The following SLC12A2 variants were observed in gnomAD, a reference collection of about 807,000 sequenced individuals.
SLC12A2 encodes Na-K-2Cl cotransporter 1.
In SLC12A2, 67 loss-of-function variants were observed where a neutral mutation model predicts 136.3. The observed-to-expected ratio is 0.49, with a 90% CI of 0.40 to 0.60. SLC12A2 has a LOEUF of 0.60. SLC12A2 is among the 20% of genes least tolerant of loss of function. SLC12A2 has a pLI of 0.00. For missense variants in SLC12A2, 1,322 were observed against 1,534.7 expected (o/e 0.86, Z 2.32); for synonymous variants, 619 against 562.9 (o/e 1.10, Z -1.41).
chr5:128,181,450 TTGTTTTGTCTTTGACC>T (rs1763705569), intron 23 of SLC12A2, among the ~76,000 whole-genome samples: 1 of 152,182 alleles, frequency 6.6e-6, no homozygotes. Flanking sequence ...CTAAGTACTC[TTGTTTTGTCTTTGACC>T]TGTAACATGT....
At chr5:128,144,365 G>C (rs1036819291) in intron 10 of SLC12A2, among the ~76,000 whole-genome samples, 1 of 152,130 alleles carries the variant, frequency 6.6e-6, no homozygotes, top group Non-Finnish European at 1.5e-5. Flanking sequence ...GGAGAGTGAA[G>C]AATGGTGGAT....
chr5:128,135,294 A>G (rs930814613), intron 6 of SLC12A2, among the ~76,000 whole-genome samples: 2 of 152,068 alleles, frequency 1.3e-5, no homozygotes, highest in Non-Finnish European at 2.9e-5. Flanking sequence ...TGGACCATGT[A>G]TAAAACTTGT....
intron 1 of SLC12A2, among the ~76,000 whole-genome samples, chr5:128,090,629 A>G (rs988126859): frequency 2.6e-5 from 4 of 152,148 alleles, no homozygotes; most frequent in Non-Finnish European, 5.9e-5. Flanking sequence ...AGGGCGAGGA[A>G]AATTAAAGGT....
At chr5:128,154,068 CAAAA>C (rs3083293) in intron 15 of SLC12A2, among the ~76,000 whole-genome samples, 8 of 137,836 alleles carry the variant, frequency 5.8e-5, no homozygotes, top group South Asian at 2.4e-4. Context: ...AAAAAAAAAA[CAAAA>C]AAAAAAAACC....
At chr5:128,100,507 A>G (rs1357838113) in intron 1 of SLC12A2, among the ~76,000 whole-genome samples, 1 of 152,184 alleles carries the variant, frequency 6.6e-6, no homozygotes, top group Non-Finnish European at 1.5e-5. Context: ...TATCTGAAAT[A>G]TGAAACACTT....
chr5:128,166,202 CAAAT>C, intron 17 of SLC12A2, among the ~76,000 whole-genome samples: 1 of 151,544 alleles, frequency 6.6e-6, no homozygotes, highest in Non-Finnish European at 1.5e-5. Context: ...ACATATGTCA[CAAAT>C]AATCCTATGT....
intron 1 of SLC12A2, among the ~76,000 whole-genome samples, chr5:128,087,594 A>G (rs1017950556): frequency 6.6e-6 from 1 of 152,222 alleles, no homozygotes; most frequent in Non-Finnish European, 1.5e-5. Context: ...TGGTATATTA[A>G]CATAACTAAA....
In SLC12A2 at chr5:128,147,690, A is replaced by G. The variant is rs1196152281; in HGVS notation, c.1842A>G (p.Ser614=). The G allele has an allele frequency of 6.2e-7, 1 of 1,610,414 alleles. No individual in the cohort carries two copies. Among genetic ancestry groups the G allele is most frequent in the Non-Finnish European group, 8.5e-7 (1 of 1,177,344 alleles). Residue 614 remains serine, a synonymous_variant, in exon 11 of 27, where the codon TCA becomes TCG. Coordinates refer to ENST00000262461, the MANE Select transcript of SLC12A2 (RefSeq NM_001046.3). ...SAGIFSATLS[S]ALASLVSAPK... ...GTATATTTTCAGCCACTCTTTCTTC[A>G]GCATTAGCATCCCTAGTGAGTGCTC...
chr5:128,181,622 ATTCC>A (rs1457158534), intron 23 of SLC12A2, among the ~76,000 whole-genome samples: 3 of 152,134 alleles, frequency 2.0e-5, no homozygotes, highest in Non-Finnish European at 4.4e-5. Flanking sequence ...TGACCATATG[ATTCC>A]TCTACCCAAA....
chr5:128,112,963 T>A, intron 2 of SLC12A2, 30 bp downstream of exon 2: 1 of 1,538,256 alleles, frequency 6.5e-7, no homozygotes, highest in Non-Finnish European at 8.7e-7. Context: ...ATTTTATAGT[T>A]ACAGCATATC....
intron 4 of SLC12A2, among the ~76,000 whole-genome samples, chr5:128,124,693 A>G (rs951537812): frequency 5.3e-5 from 8 of 152,016 alleles, no homozygotes; most frequent in Admixed American, 3.9e-4. Flanking sequence ...TTTCCATTAT[A>G]TAGCCACGAT....
At chr5:128,137,754 C>T (rs201776878) in intron 7 of SLC12A2, among the ~76,000 whole-genome samples, 4 of 152,104 alleles carry the variant, frequency 2.6e-5, no homozygotes, top group East Asian at 3.9e-4. Flanking sequence ...CTAGTTGAAG[C>T]TTTTATTGTT....
At chr5:128,126,962 A>AT (rs1486260326) in intron 4 of SLC12A2, among the ~76,000 whole-genome samples, 122 of 23,294 alleles carry the variant, frequency 5.2e-3, no homozygotes, top group Non-Finnish European at 7.0e-3. Context: ...ATATATATAT[A>AT]TATATTTTTT....
chr5:128,125,913 T>G (rs1447587021), intron 4 of SLC12A2, among the ~76,000 whole-genome samples: 2 of 152,204 alleles, frequency 1.3e-5, no homozygotes, highest in Non-Finnish European at 2.9e-5. Context: ...TTTGGCACCA[T>G]TTTTTGAAAC....
rs1433767277 is a variant in SLC12A2, at chr5:128,126,964, A to AT, written c.1049-4102dup. On this transcript the variant is annotated intron_variant, in intron 4 of 26. Coordinates refer to ENST00000262461, the MANE Select transcript of SLC12A2 (RefSeq NM_001046.3). ...TACATATATATATATATATATATAT[A>AT]TATTTTTTTTTTTTTTTTTTTTTGC... Among the ~76,000 whole-genome samples, 118 of 21,678 alleles carry AT rather than the reference A, an allele frequency of 5.4e-3. 1 individual carries two copies. The highest frequency in any genetic ancestry group is 6.8e-3 in the Non-Finnish European group (94 of 13,750). 14.2% of individuals were successfully genotyped at this position (21,678 alleles called of 152,430 possible).
chr5:128,102,582 A>ACCCC (rs34780928), intron 1 of SLC12A2, among the ~76,000 whole-genome samples: 2 of 88,394 alleles, frequency 2.3e-5, no homozygotes, highest in African/African-American at 8.8e-5. Context: ...TCTGTAATTC[A>ACCCC]CCCCCCCCCC....
At chr5:128,183,240 A>G (rs1206269646) in intron 24 of SLC12A2, among the ~76,000 whole-genome samples, 1 of 151,920 alleles carries the variant, frequency 6.6e-6, no homozygotes, top group Non-Finnish European at 1.5e-5. Flanking sequence ...CTACATACCT[A>G]TTACTTTCCA....
chr5:128,090,654 T>A (rs943321314), intron 1 of SLC12A2, among the ~76,000 whole-genome samples: 4 of 152,170 alleles, frequency 2.6e-5, no homozygotes, highest in African/African-American at 9.7e-5. Context: ...AGATGATGGC[T>A]GGGTGATGCT....
intron 4 of SLC12A2, among the ~76,000 whole-genome samples, chr5:128,122,109 TCAAC>T (rs1375058755): frequency 1.3e-5 from 2 of 152,236 alleles, no homozygotes; most frequent in African/African-American, 4.8e-5. Flanking sequence ...GAAAGTTTCC[TCAAC>T]CACTTTTTGC....
Sources: allele counts gnomAD v4.1 joint callset (sites outside exome capture counted in the v4.1 genomes callset), GRCh38; gene constraint gnomAD v4.1.1; transcripts MANE v1.5; gene names NCBI Gene and HGNC (gene_info 2026-07-23, HGNC 2026-07-21).